Variants in TIAM2 observed in about 807,000 individuals in gnomAD.
The protein encoded by TIAM2 is rho guanine nucleotide exchange factor TIAM2.
TIAM2 carries 80 observed loss-of-function variants against 152.9 expected under a neutral mutation model. That is an observed-to-expected ratio of 0.52 (90% CI 0.44 to 0.63). The LOEUF is 0.63. Ranked by LOEUF, TIAM2 falls within the 30% of genes least tolerant of loss-of-function variation. The probability of loss-of-function intolerance (pLI) is 0.00; values close to 1 mark genes in which losing one functional copy is unlikely to be tolerated. For missense variants in TIAM2, 1,965 were observed against 2,120.1 expected, an observed-to-expected ratio of 0.93 and a Z score of 1.44; for synonymous variants, 804 against 838.0, an observed-to-expected ratio of 0.96 and a Z score of 0.70.
chr6:155,069,947 G>GTGTGACCC (rs1777799765), intron 1 of TIAM2, among the ~76,000 whole-genome samples: 1 of 89,854 alleles, frequency 1.1e-5, no homozygotes, highest in Non-Finnish European at 2.3e-5. Flanking sequence ...AGGTCTTTTT[G>GTGTGACCC]TGTGACCCAG....
Position 155,214,859 on chromosome 6 carries a change from T to C in TIAM2, c.3168+3552T>C, listed in dbSNP as rs926239521. Among the ~76,000 whole-genome samples the C allele has an allele frequency of 6.6e-6, 1 of 152,228 alleles. No individual in the cohort carries two copies. The highest frequency in any genetic ancestry group is 2.4e-5 in the African/African-American group (1 of 41,456). On this transcript the variant is annotated intron_variant, in intron 15 of 26. Coordinates refer to ENST00000682666, the MANE Select transcript of TIAM2 (RefSeq NM_012454.4). The surrounding 1 kb of genome is among the most constrained non-coding windows in gnomAD (Gnocchi z 5.4). ...TCTCACTATGTTGCTGAGGCTGGTC[T>C]CAAACTCCTGGGCTCAAGAGATCCT...
At chr6:155,219,645 C>T (rs1286771172) in intron 15 of TIAM2, among the ~76,000 whole-genome samples, 2 of 151,962 alleles carry the variant, frequency 1.3e-5, no homozygotes, top group Non-Finnish European at 2.9e-5. Flanking sequence ...TCCTATTTTC[C>T]GTGCTCCAGA....
intron 26 of TIAM2, chr6:155,256,215 A>T (rs747065683): frequency 2.9e-5 from 17 of 576,904 alleles, no homozygotes; most frequent in Admixed American, 1.4e-4. Flanking sequence ...TAGCCCATGT[A>T]GTAGTTTCTA....
intron 13 of TIAM2, 144 bp from the exon 14 acceptor site, chr6:155,183,093 C>A: frequency 1.9e-6 from 2 of 1,049,204 alleles, no homozygotes; most frequent in Non-Finnish European, 2.7e-6. Flanking sequence ...GCCACTGTGC[C>A]TGGCTGGCAC....
intron 15 of TIAM2, among the ~76,000 whole-genome samples, chr6:155,227,854 G>A (rs1782301751): frequency 6.6e-6 from 1 of 152,210 alleles, no homozygotes; most frequent in Non-Finnish European, 1.5e-5. Flanking sequence ...CTCCTCAGCA[G>A]TCTAGAAGCA....
At chr6:155,073,601 G>T (rs1777891251) in intron 1 of TIAM2, among the ~76,000 whole-genome samples, 1 of 152,000 alleles carries the variant, frequency 6.6e-6, no homozygotes, top group South Asian at 2.1e-4. Context: ...GTGGCTTTGG[G>T]TGCCTAACCT....
chr6:155,003,619 C>A (rs1977248), intron 1 of TIAM2, among the ~76,000 whole-genome samples: 84,700 of 151,960 alleles, frequency 0.56, 26,071 homozygotes, highest in East Asian at 0.78. Flanking sequence ...CCAAAGGGGA[C>A]ACTCTTGTGG....
chr6:155,054,307 C>T (rs943399125), intron 1 of TIAM2, among the ~76,000 whole-genome samples: 1 of 152,188 alleles, frequency 6.6e-6, no homozygotes, highest in African/African-American at 2.4e-5. Context: ...TTACAGGTGA[C>T]AGCCATGCTC....
chr6:155,187,573 C>CCTGTTT (rs1189509294), intron 14 of TIAM2, among the ~76,000 whole-genome samples: 1 of 49,614 alleles, frequency 2.0e-5, no homozygotes, highest in Non-Finnish European at 3.7e-5. Flanking sequence ...ACCCCGCCCC[C>CCTGTTT]TTTTTTTTTT....
rs538975200 is a variant in TIAM2, at chr6:155,068,477, C to T, written c.-208-21812C>T. Among the ~76,000 whole-genome samples the T allele has an allele frequency of 5.3e-5, 8 of 152,084 alleles. No homozygotes were observed. The South Asian group carries it at 1.7e-3, about 32-fold the overall frequency. ...TTTGAGATAGAGTCTCCTCTGTTGC[C>T]CAGGCTAGAGTGCAATGGCACGATC... On this transcript the variant is annotated intron_variant, in intron 1 of 26. Coordinates refer to ENST00000682666, the MANE Select transcript of TIAM2 (RefSeq NM_012454.4).
chr6:155,107,980 A>G (rs1386654327), intron 2 of TIAM2, among the ~76,000 whole-genome samples: 2 of 152,228 alleles, frequency 1.3e-5, no homozygotes, highest in Admixed American at 6.5e-5. Flanking sequence ...AGAGACAGAA[A>G]TAGGGAGCTT....
At chr6:155,080,289 G>T (rs868226689) in intron 1 of TIAM2, among the ~76,000 whole-genome samples, 1 of 151,938 alleles carries the variant, frequency 6.6e-6, no homozygotes, top group Admixed American at 6.6e-5. Flanking sequence ...TGGACTGGTT[G>T]TCAGTGGGAG....
intron 15 of TIAM2, chr6:155,216,924 C>T (rs1562357178): frequency 8.3e-7 from 1 of 1,198,186 alleles, no homozygotes; most frequent in Non-Finnish European, 1.1e-6. Flanking sequence ...GCTAGGACGT[C>T]CTTGTGAATG....
At chr6:155,188,931 G>A (rs1781119476) in intron 14 of TIAM2, among the ~76,000 whole-genome samples, 1 of 152,124 alleles carries the variant, frequency 6.6e-6, no homozygotes, top group Non-Finnish European at 1.5e-5. Flanking sequence ...TCCAACACAG[G>A]CTTACCAGAT....
intron 5 of TIAM2, among the ~76,000 whole-genome samples, chr6:155,143,876 G>GA (rs150491864): frequency 0.013 from 1,891 of 146,868 alleles, 35 homozygotes; most frequent in African/African-American, 0.044. Context: ...ATGCCAGAAG[G>GA]AAAAAAAAAA....
At chr6:155,057,886 C>G (rs906233749) in intron 1 of TIAM2, among the ~76,000 whole-genome samples, 2 of 152,120 alleles carry the variant, frequency 1.3e-5, no homozygotes, top group Admixed American at 6.6e-5. Flanking sequence ...CCGCACAGTC[C>G]ACACATAAGT....
chr6:155,225,642 C>T (rs551194638), intron 15 of TIAM2, among the ~76,000 whole-genome samples: 1 of 152,248 alleles, frequency 6.6e-6, no homozygotes, highest in East Asian at 1.9e-4. Flanking sequence ...TTATTGATTT[C>T]TATTTTTAAG....
rs755729170 is a variant in TIAM2, at chr6:155,164,515, A to G, written c.2129A>G (p.Lys710Arg). The G allele has an allele frequency of 6.2e-7, 1 of 1,614,088 alleles. No individual in the cohort carries two copies. ...SLQGGELPNP[K>R]SLLAAASRPS... ...CAAGGTGGGGAGTTACCGAACCCAA[A>G]GAGTCTCCTTGCAGCCGCCAGCCGC... The change falls in exon 8 of 27, where the codon AAG becomes AGG. Residue 710 changes from lysine (K) to arginine (R), a missense_variant. Coordinates refer to ENST00000682666, the MANE Select transcript of TIAM2 (RefSeq NM_012454.4).
At chr6:155,242,537 G>T (rs1783093868) in intron 16 of TIAM2, among the ~76,000 whole-genome samples, 1 of 152,194 alleles carries the variant, frequency 6.6e-6, no homozygotes, top group Non-Finnish European at 1.5e-5. Flanking sequence ...TTTGCTCTCT[G>T]AACTAAGGCC....
Sources: gnomAD v4.1 joint callset for allele counts (sites outside exome capture counted in the v4.1 genomes callset) on GRCh38, gnomAD v4.1.1 for gene constraint, Gnocchi (gnomAD v3.1) non-coding constraint, MANE v1.5 for transcripts, NCBI Gene and HGNC (gene_info 2026-07-23, HGNC 2026-07-21) for gene names.